DST: variants seen among roughly 807,000 people sequenced by gnomAD.
The protein encoded by DST is bullous pemphigoid antigen.
A neutral mutation model predicts 875.2 loss-of-function variants in DST; 253 were observed. The observed-to-expected ratio is 0.29, with a 90% CI of 0.26 to 0.32. The LOEUF is 0.32. DST is among the 10% of genes least tolerant of loss of function. DST has a pLI of 1.00. For missense variants in DST, 8,287 were observed against 9,111.6 expected (o/e 0.91, Z 3.68); for synonymous variants, 3,124 against 3,197.1 (o/e 0.98, Z 0.77).
Position 56,476,182 on chromosome 6 carries a change from G to C in DST, c.21831C>G (p.Ile7277Met). Residue 7277 changes from isoleucine to methionine, a missense_variant, in exon 92 of 104, where the codon ATC (isoleucine) becomes ATG (methionine). Physicochemically the swap from Ile to Met is conservative, Grantham distance 10 (BLOSUM62 1). Around this residue, in one of 10 missense-constraint regions of DST, gnomAD observed 1,292 missense variants for 1,552.7 expected, o/e 0.83. Transcript: ENST00000680361. ...DKDKEVIPQE[I>M]EEVKALIAEH... ...CTGCAATGAGTGCTTTCACCTCTTC[G>C]ATCTCCTGGGGGATGACTTCTTTAT... 5 of 1,611,774 alleles carry C rather than the reference G, an allele frequency of 3.1e-6. No homozygotes were observed. The highest frequency in any genetic ancestry group is 1.1e-5 in the South Asian group (1 of 90,436).
intron 72 of DST, among the ~76,000 whole-genome samples, chr6:56,515,058 G>A (rs1219060318): frequency 1.3e-5 from 2 of 152,106 alleles, no homozygotes; most frequent in Non-Finnish European, 2.9e-5. Context: ...GGCCTTGTCT[G>A]TATAATGGTT....
chr6:56,462,949 A>G (rs1307024313), intron 102 of DST, 97 bp downstream of exon 102: 3 of 656,744 alleles, frequency 4.6e-6, no homozygotes, highest in Non-Finnish European at 5.3e-6. Flanking sequence ...TAGGGTTAGC[A>G]AAGTACATAT....
chr6:56,722,430 C>G (rs879938000), intron 5 of DST, among the ~76,000 whole-genome samples: 17 of 152,128 alleles, frequency 1.1e-4, no homozygotes, highest in Admixed American at 2.0e-4. Flanking sequence ...TTCACCCAGG[C>G]TGGAGTGCAG....
intron 9 of DST, among the ~76,000 whole-genome samples, chr6:56,687,216 TTA>T (rs2099193274): frequency 6.6e-6 from 1 of 152,234 alleles, no homozygotes; most frequent in Non-Finnish European, 1.5e-5. Context: ...TTCAATCCCT[TTA>T]TATGTTTCTA....
intron 4 of DST, among the ~76,000 whole-genome samples, chr6:56,780,420 A>C (rs1488491786): frequency 1.9e-4 from 28 of 151,308 alleles, no homozygotes; most frequent in Middle Eastern, 3.4e-3. Context: ...TTGCCATTCT[A>C]ACTGGTGTGA....
chr6:56,698,899 C>A (rs1228013841), intron 9 of DST, among the ~76,000 whole-genome samples: 1 of 152,140 alleles, frequency 6.6e-6, no homozygotes, highest in Non-Finnish European at 1.5e-5. Flanking sequence ...TACAGATGAT[C>A]CCATCACCCA....
chr6:56,732,041 T>C (rs1482409322), intron 5 of DST, among the ~76,000 whole-genome samples: 1 of 152,244 alleles, frequency 6.6e-6, no homozygotes, highest in African/African-American at 2.4e-5. Flanking sequence ...CAAGGACTTT[T>C]AAAACAAAGA....
At chr6:56,516,898 A>G (rs1583714967) in intron 71 of DST, among the ~76,000 whole-genome samples, 2 of 152,324 alleles carry the variant, frequency 1.3e-5, no homozygotes, top group East Asian at 3.9e-4. Context: ...ATTTATACTG[A>G]TAATAATGGT....
intron 2 of DST, among the ~76,000 whole-genome samples, chr6:56,909,588 G>A (rs578006526): frequency 1.3e-5 from 2 of 152,268 alleles, no homozygotes; most frequent in African/African-American, 4.8e-5. Context: ...TTTGCTATAG[G>A]AGTTTGCACT....
intron 60 of DST, among the ~76,000 whole-genome samples, chr6:56,554,212 G>A (rs927249231): frequency 4.3e-4 from 65 of 150,090 alleles, no homozygotes; most frequent in Non-Finnish European, 8.4e-4. Context: ...AGCCTCCTGA[G>A]TAGCTGGGAC....
intron 4 of DST, among the ~76,000 whole-genome samples, chr6:56,746,175 G>A (rs1026849641): frequency 6.6e-6 from 1 of 151,904 alleles, no homozygotes; most frequent in Non-Finnish European, 1.5e-5. Flanking sequence ...TGTAGAGATA[G>A]GATCTCCCTT....
chr6:56,526,665 G>T lies in DST; in HGVS notation c.17923-98C>A, dbSNP rs1032307611. 4.6e-6 allele frequency: 5 copies of T among 1,096,060 alleles called. No homozygotes were observed. The East Asian group carries it at 9.6e-5, about 21-fold the overall frequency. 67.9% of individuals were successfully genotyped at this position (1,096,060 alleles called of 1,614,324 possible). ...CAAGTCCTTTGCAGGCGAATAATGT[G>T]ATGCTTTGCCCCACTCCCCCCCTCC... On this transcript the variant is annotated intron_variant, in intron 68 of 103. Coordinates refer to ENST00000680361, the MANE Select transcript of DST (RefSeq NM_001374736.1).
intron 10 of DST, among the ~76,000 whole-genome samples, chr6:56,657,345 T>C (rs994983088): frequency 1.3e-5 from 2 of 151,974 alleles, no homozygotes; most frequent in Non-Finnish European, 2.9e-5. Flanking sequence ...GGAGGGAGGG[T>C]GGGCATGTCA....
At chr6:56,822,762 A>G (rs2153048865) in intron 4 of DST, among the ~76,000 whole-genome samples, 1 of 152,178 alleles carries the variant, frequency 6.6e-6, no homozygotes, top group East Asian at 1.9e-4. Flanking sequence ...TAGAGGTTCT[A>G]GAACTATATA....
intron 82 of DST, among the ~76,000 whole-genome samples, chr6:56,494,830 A>G (rs1005970634): frequency 1.3e-5 from 2 of 152,044 alleles, no homozygotes; most frequent in African/African-American, 4.8e-5. Flanking sequence ...AAGACCAACA[A>G]AACAACAGTT....
At chr6:56,852,522 G>C (rs1765780268) in intron 3 of DST, among the ~76,000 whole-genome samples, 1 of 152,150 alleles carries the variant, frequency 6.6e-6, no homozygotes, top group South Asian at 2.1e-4. Context: ...GTCATGTCTT[G>C]CATAAAAGTG....
chr6:56,561,642 C>T, intron 56 of DST, 93 bp from the exon 57 acceptor site: 1 of 1,265,074 alleles, frequency 7.9e-7, no homozygotes, highest in Non-Finnish European at 1.1e-6. Context: ...GGTATTTTGT[C>T]ACTTCTAGCT....
At chr6:56,771,873 C>T (rs1472612939) in intron 4 of DST, among the ~76,000 whole-genome samples, 1 of 152,192 alleles carries the variant, frequency 6.6e-6, no homozygotes. Context: ...AGCCCAAAAA[C>T]TTCTAACCAG....
At position 56,639,287 on chromosome 6, in the gene DST, T is replaced by C; in HGVS notation, c.2936A>G (p.Glu979Gly). ...AATAGTTAACCGGGCTGGATGATTTTCTAGAAGTAGCTGCTCTGCTATCTC... is the reference window on the plus strand; with the variant it reads ...AATAGTTAACCGGGCTGGATGATTTCCTAGAAGTAGCTGCTCTGCTATCTC... ...VQEIAEQLLL[E>G]NHPARLTIEA... The change falls in exon 22 of 104, where the codon GAA becomes GGA. Residue 979 changes from glutamate (E) to glycine (G), a missense_variant. Glu to Gly is a moderately conservative substitution (Grantham distance 98). Around this residue, in one of 10 missense-constraint regions of DST, gnomAD observed 1,160 missense variants for 1,424.3 expected, o/e 0.81. Transcript: ENST00000680361. 6.2e-7 allele frequency: 1 copy of C among 1,613,892 alleles called. No individual in the cohort carries two copies. Among genetic ancestry groups the C allele is most frequent in the South Asian group, 1.1e-5 (1 of 91,076 alleles).
Sources: gnomAD v4.1 joint callset for allele counts (sites outside exome capture counted in the v4.1 genomes callset) on GRCh38, gnomAD v4.1.1 for gene constraint, gnomAD v4.1.1 regional missense constraint, MANE v1.5 for transcripts, NCBI Gene and HGNC (gene_info 2026-07-23, HGNC 2026-07-21) for gene names.